Variants in COA1 observed in about 807,000 individuals in gnomAD.
COA1 encodes cytochrome c oxidase assembly factor 1.
Under a neutral mutation model 16.0 loss-of-function variants are expected in COA1, and 13 were observed. The observed-to-expected ratio is 0.81, with a 90% CI of 0.53 to 1.29. The LOEUF (loss-of-function observed/expected upper bound fraction) is 1.29, where lower values mean the gene tolerates loss of function less well. COA1 is among the 50% of genes most tolerant of loss of function. The pLI is 0.00. For synonymous variants in COA1, 65 were observed against 65.7 expected (o/e 0.99, Z 0.05); for missense variants, 179 against 177.0 (o/e 1.01, Z -0.06).
At chr7:43,646,023 C>T (rs936089567) in intron 3 of COA1, 2 of 153,328 alleles carry the variant, frequency 1.3e-5, no homozygotes, top group African/African-American at 2.4e-5. Flanking sequence ...CTGGGAACTC[C>T]GGGAAGCACC....
intron 6 of COA1, among the ~76,000 whole-genome samples, chr7:43,620,280 T>G (rs1424814429): frequency 6.6e-6 from 1 of 152,208 alleles, no homozygotes; most frequent in Non-Finnish European, 1.5e-5. Context: ...TTTGATAGAC[T>G]GAGGAAAATT....
At chr7:43,611,715 G>A (rs2082896484) in intron 6 of COA1, among the ~76,000 whole-genome samples, 1 of 152,116 alleles carries the variant, frequency 6.6e-6, no homozygotes, top group African/African-American at 2.4e-5. Context: ...CAAAATAAAT[G>A]TTTATGCTGT....
chr7:43,626,405 AG>A (rs777312714), intron 6 of COA1: 3 of 152,256 alleles, frequency 2.0e-5, no homozygotes, highest in Non-Finnish European at 4.4e-5. Context: ...TTACACCATT[AG>A]GTGAAATTCA....
intron 6 of COA1, among the ~76,000 whole-genome samples, chr7:43,615,576 G>A (rs1341571513): frequency 7.9e-5 from 12 of 151,990 alleles, no homozygotes; most frequent in East Asian, 1.9e-4. Flanking sequence ...TGTTTTTTTC[G>A]TGAAGAATTA....
At chr7:43,618,922 G>A (rs2083595332) in intron 6 of COA1, among the ~76,000 whole-genome samples, 1 of 152,104 alleles carries the variant, frequency 6.6e-6, no homozygotes, top group African/African-American at 2.4e-5. Flanking sequence ...CAGAGTGGTG[G>A]GAGAAGAGGG....
rs1448342853 is a variant in COA1 at position 43,722,882 on chromosome 7, C to T, written c.-39+6547G>A. ...AGTCCATCTGGGGACCTTTCCAGTA[C>T]ATTTGCAAATGCCAAATGTCTTAAG... On this transcript the variant is annotated intron_variant, in intron 1 of 5. Transcript: ENST00000223336. 2.6e-5 allele frequency among the ~76,000 whole-genome samples: 4 copies of T among 152,158 alleles called. No individual in the cohort carries two copies. The South Asian group carries it at 6.2e-4, about 24-fold the overall frequency.
intron 1 of COA1, chr7:43,659,094 A>T (rs2092152215): frequency 6.6e-6 from 1 of 152,280 alleles, no homozygotes; most frequent in African/African-American, 2.4e-5. Flanking sequence ...TCCAATTAAA[A>T]GGCTCCATGG....
intron 1 of COA1, among the ~76,000 whole-genome samples, chr7:43,676,398 A>C (rs948568316): frequency 2.0e-5 from 3 of 152,194 alleles, no homozygotes; most frequent in African/African-American, 7.2e-5. Context: ...ATATATACGC[A>C]ATAGAATACT....
At chr7:43,681,809 C>G (rs527245703) in intron 1 of COA1, among the ~76,000 whole-genome samples, 1 of 152,166 alleles carries the variant, frequency 6.6e-6, no homozygotes, top group Non-Finnish European at 1.5e-5. Context: ...CAGGAACATT[C>G]TGTAGTTTGT....
intron 1 of COA1, chr7:43,649,908 T>C (rs919482177): frequency 5.3e-5 from 8 of 152,202 alleles, no homozygotes; most frequent in African/African-American, 1.9e-4. Flanking sequence ...ACTCAGGAAG[T>C]GGTCAACCTT....
chr7:43,702,289 T>A (rs556028590), intron 1 of COA1, among the ~76,000 whole-genome samples: 1 of 152,128 alleles, frequency 6.6e-6, no homozygotes, highest in Non-Finnish European at 1.5e-5. Context: ...AAGGCAGGGG[T>A]CCAGTTTCAT....
At chr7:43,634,995 G>GAAGT (rs1376546013), downstream of COA1, among the ~76,000 whole-genome samples, 3 of 152,190 alleles carry the variant, frequency 2.0e-5, no homozygotes, top group African/African-American at 7.2e-5. Context: ...TTGTTTTATG[G>GAAGT]AAGTCCAGGC....
rs76060836 is a variant in COA1 at position 43,654,225 on chromosome 7, T to C, written c.-38-5573A>G. 9.6e-3 allele frequency among the ~76,000 whole-genome samples: 1,454 copies of C among 152,120 alleles called. 13 individuals carry two copies. Among genetic ancestry groups the C allele is most frequent in the Middle Eastern group, 0.031 (9 of 294 alleles). On this transcript the variant is annotated intron_variant, in intron 1 of 5. Coordinates refer to ENST00000223336, the MANE Select transcript of COA1 (RefSeq NM_018224.4). ...TGGCCAGCCCCAAACTGGGTATGAG[T>C]CCAGCTTCCAGAGACAGCCATTGTC...
chr7:43,710,733 A>G (rs2095217639), intron 1 of COA1, among the ~76,000 whole-genome samples: 1 of 152,180 alleles, frequency 6.6e-6, no homozygotes, highest in Non-Finnish European at 1.5e-5. Context: ...GGTTAGGTAA[A>G]CTTGTCCAAA....
At chr7:43,627,992 G>T (rs186433909) in intron 6 of COA1, among the ~76,000 whole-genome samples, 9 of 152,068 alleles carry the variant, frequency 5.9e-5, no homozygotes, top group Admixed American at 2.0e-4. Flanking sequence ...TTTGTTTTGT[G>T]TTGTGTTGTT....
intron 1 of COA1, among the ~76,000 whole-genome samples, chr7:43,687,637 A>T (rs947850996): frequency 6.6e-6 from 1 of 152,244 alleles, no homozygotes; most frequent in African/African-American, 2.4e-5. Flanking sequence ...TTCAAAACAC[A>T]TGATAAAAGT....
intron 1 of COA1, among the ~76,000 whole-genome samples, chr7:43,720,121 T>C (rs1459096360): frequency 6.6e-6 from 1 of 150,396 alleles, no homozygotes; most frequent in Non-Finnish European, 1.5e-5. Flanking sequence ...TCTACTAAAA[T>C]CATAAAAATT....
chr7:43,652,578 G>A (rs2091019485), intron 1 of COA1, among the ~76,000 whole-genome samples: 1 of 152,210 alleles, frequency 6.6e-6, no homozygotes, highest in African/African-American at 2.4e-5. Flanking sequence ...CCAAGACCAT[G>A]GATTTCAGAA....
At chr7:43,726,371 A>G (rs2095617553) in intron 1 of COA1, among the ~76,000 whole-genome samples, 1 of 152,238 alleles carries the variant, frequency 6.6e-6, no homozygotes, top group African/African-American at 2.4e-5. Flanking sequence ...ATCCTAAACT[A>G]TTAGCCAGAA....
Sources: allele counts gnomAD v4.1 joint callset (sites outside exome capture counted in the v4.1 genomes callset), GRCh38; gene constraint gnomAD v4.1.1; transcripts MANE v1.5; gene names NCBI Gene and HGNC (gene_info 2026-07-23, HGNC 2026-07-21).